ZDHHC4: variants seen among roughly 807,000 people sequenced by gnomAD.
ZDHHC4 encodes the protein zDHHC palmitoyltransferase 4.
In ZDHHC4, 42 loss-of-function variants were observed where a neutral mutation model predicts 36.7. The observed-to-expected ratio is 1.14, with a 90% CI of 0.89 to 1.48. The LOEUF (loss-of-function observed/expected upper bound fraction) is 1.48. ZDHHC4 is among the 40% of genes most tolerant of loss of function. The pLI, the probability that ZDHHC4 is intolerant of heterozygous loss-of-function variation, is 0.00. For synonymous variants in ZDHHC4, 189 were observed against 166.6 expected (o/e 1.13, Z -1.03); for missense variants, 457 against 421.5 (o/e 1.08, Z -0.74).
chr7:6,583,453 C>T (rs554927612), intron 6 of ZDHHC4, 22 bp downstream of exon 6: 1 of 1,594,006 alleles, frequency 6.3e-7, no homozygotes, highest in South Asian at 1.1e-5. Flanking sequence ...TCTCGTGACT[C>T]CAGCGGCACC....
In ZDHHC4 at chr7:6,581,643, G is replaced by C; in HGVS notation, c.154G>C (p.Ala52Pro). 1 of 1,612,014 alleles carries C rather than the reference G, an allele frequency of 6.2e-7. No individual in the cohort carries two copies. Among genetic ancestry groups the C allele is most frequent in the Non-Finnish European group, 8.5e-7 (1 of 1,178,368 alleles). ...TATAATTCCAGAATGTCTTCAGAGA[G>C]CCGTGCATGGATTGCTTCATTACCT... Reference protein sequence around the residue: ...SCIIPECLQRAVHGLLHYLFH... With the variant: ...SCIIPECLQRPVHGLLHYLFH... The change falls in exon 4 of 8, where the codon GCC (alanine) becomes CCC (proline). Residue 52 changes from alanine to proline, a missense_variant. By Grantham distance (27) the Ala-to-Pro change is conservative (BLOSUM62 -1). Transcript: ENST00000335965.
rs575348989 is a variant in ZDHHC4 at position 6,584,630 on chromosome 7, T to C, written c.497-386T>C. 6.6e-5 allele frequency among the ~76,000 whole-genome samples: 10 copies of C among 152,212 alleles called. 1 individual carries two copies. The South Asian group carries it at 2.1e-3, about 32-fold the overall frequency. ...TTGTCAGTATTGACAAAATGTCCTC[T>C]CTGTTTTTTGGTTTGTTTTTTGAGA... On this transcript the variant is annotated intron_variant, in intron 6 of 7. Coordinates refer to ENST00000335965, the MANE Select transcript of ZDHHC4 (RefSeq NM_001134389.2).
chr7:6,582,151 C>T lies in ZDHHC4; in HGVS notation c.270C>T (p.Tyr90=). ...AGTACACCTGGGAAGTATTTGGCTA[C>T]TGTCAGGAGCTGGAGTTGTCCTTGC... ...YTEYTWEVFG[Y]CQELELSLHY... is the part of the protein sequence containing the mutation. Residue 90 remains tyrosine, a synonymous_variant, in exon 5 of 8, where the codon TAC becomes TAT. Transcript: ENST00000335965. 6.2e-7 allele frequency: 1 copy of T among 1,614,222 alleles called. No homozygotes were observed. Among genetic ancestry groups the T allele is most frequent in the Non-Finnish European group, 8.5e-7 (1 of 1,180,046 alleles).
chr7:6,582,181 C>G lies in ZDHHC4; in HGVS notation c.300C>G (p.Tyr100Ter), dbSNP rs1190639204. ...YCQELELSLH[Y>*]LLLPYLLLGV... ...AGGAGCTGGAGTTGTCCTTGCATTACCTTCTTCTGCCCTATCTGCTGCTAG... is the reference window on the plus strand; with the variant it reads ...AGGAGCTGGAGTTGTCCTTGCATTAGCTTCTTCTGCCCTATCTGCTGCTAG... Residue 100 changes from tyrosine (Y) to a stop codon, truncating the protein, a stop_gained, in exon 5 of 8, where the codon TAC becomes TAG. Transcript: ENST00000335965. LOFTEE classifies it high-confidence loss of function. 1 of 1,614,190 alleles carries G rather than the reference C, an allele frequency of 6.2e-7. No homozygotes were observed. Among genetic ancestry groups the G allele is most frequent in the African/African-American group, 1.3e-5 (1 of 75,046 alleles).
intron 5 of ZDHHC4, among the ~76,000 whole-genome samples, chr7:6,582,479 G>A (rs1293575457): frequency 7.9e-5 from 12 of 151,542 alleles, no homozygotes; most frequent in African/African-American, 2.7e-4. Context: ...CTTTCACTTC[G>A]TTTTGTCATA....
rs1781489247 is a variant in ZDHHC4, at chr7:6,589,174, T to A, written c.*264T>A. 1 of 455,400 alleles carries A rather than the reference T, an allele frequency of 2.2e-6. No homozygotes were observed. Among genetic ancestry groups the A allele is most frequent in the East Asian group, 4.2e-5 (1 of 24,024 alleles). The allele number at this position is 455,400 out of a possible 1,614,324, so 28.2% of individuals were successfully genotyped here. ...TCTAGGTGATGCTGAGACCTTGGTG[T>A]CTCTAAACTCTGGGCATGTGGACAG... On this transcript the variant is annotated 3_prime_UTR_variant, in exon 8 of 8. Transcript: ENST00000335965.
chr7:6,585,310 A>T, intron 7 of ZDHHC4, 50 bp downstream of exon 7: 2 of 1,591,728 alleles, frequency 1.3e-6, no homozygotes, highest in Non-Finnish European at 1.7e-6. Flanking sequence ...CGCAAAAAAG[A>T]CATTTATTTT....
At chr7:6,583,676 A>G (rs1027333718) in intron 6 of ZDHHC4, 2 of 415,646 alleles carry the variant, frequency 4.8e-6, no homozygotes, top group Non-Finnish European at 4.2e-6. Context: ...GTGGCAGGAC[A>G]TGCTCCCCAC....
chr7:6,580,545 T>G lies in ZDHHC4; in HGVS notation c.-7-10T>G. On this transcript the variant is annotated splice_polypyrimidine_tract_variant and intron_variant, in intron 2 of 7. Coordinates refer to ENST00000335965, the MANE Select transcript of ZDHHC4 (RefSeq NM_001134389.2). ...TAGCAGATAGTCACACTCTTTCTGT[T>G]CCTTTGTAGCTGCAGGATGGACTTT... is the stretch of plus-strand genomic sequence containing the variant. 6.2e-7 allele frequency: 1 copy of G among 1,609,686 alleles called. No individual in the cohort carries two copies.
intron 2 of ZDHHC4, among the ~76,000 whole-genome samples, chr7:6,580,301 C>T (rs1780751578): frequency 6.6e-6 from 1 of 152,118 alleles, no homozygotes; most frequent in Admixed American, 6.5e-5. Flanking sequence ...GCACCTGGCC[C>T]AGAATTTTTA....
intron 2 of ZDHHC4, among the ~76,000 whole-genome samples, chr7:6,579,933 C>G (rs1010922182): frequency 1.3e-5 from 2 of 151,152 alleles, no homozygotes; most frequent in Non-Finnish European, 2.9e-5. Context: ...TTCAAGAGTT[C>G]GAGACCAGCC....
rs1457827983 is a variant in ZDHHC4 at position 6,585,377 on chromosome 7, A to G, written c.741+117A>G. ...GGTGGCTCACGCCTATAATCCCAGC[A>G]CTTTTGGAGGCCGAGGTGGGAGGAT... On this transcript the variant is annotated intron_variant, in intron 7 of 7. Coordinates refer to ENST00000335965, the MANE Select transcript of ZDHHC4 (RefSeq NM_001134389.2). The G allele has an allele frequency of 2.1e-6, 3 of 1,408,444 alleles. No individual in the cohort carries two copies. The East Asian group carries it at 7.2e-5, about 34-fold the overall frequency. 87.2% of individuals were successfully genotyped at this position (1,408,444 alleles called of 1,614,324 possible).
intron 6 of ZDHHC4, chr7:6,583,779 A>C (rs554781604): frequency 5.6e-6 from 1 of 178,510 alleles, no homozygotes; most frequent in Non-Finnish European, 1.2e-5. Context: ...CGTGCTGTCT[A>C]ACAAAAATAG....
intron 5 of ZDHHC4, among the ~76,000 whole-genome samples, chr7:6,582,627 C>T (rs1780939905): frequency 6.6e-6 from 1 of 152,160 alleles, no homozygotes; most frequent in African/African-American, 2.4e-5. Context: ...AAGGGATTCT[C>T]TTGCCTCAGA....
At chr7:6,585,798 C>A (rs1324922256) in intron 7 of ZDHHC4, among the ~76,000 whole-genome samples, 1 of 151,358 alleles carries the variant, frequency 6.6e-6, no homozygotes. Context: ...AGAGCAAGAC[C>A]CTGTCTCAGA....
chr7:6,580,506 A>C, intron 2 of ZDHHC4, 49 bp from the exon 3 acceptor site: 2 of 1,503,498 alleles, frequency 1.3e-6, no homozygotes, highest in Non-Finnish European at 1.9e-6. Flanking sequence ...TGTGCCATGG[A>C]AGAAACCTTT....
chr7:6,583,665 C>T (rs1781027563), intron 6 of ZDHHC4: 5 of 443,234 alleles, frequency 1.1e-5, no homozygotes, highest in African/African-American at 6.1e-5. Flanking sequence ...TCCCTCGCCA[C>T]GTGGCAGGAC....
At position 6,582,133 on chromosome 7, in the gene ZDHHC4, C is replaced by G; in HGVS notation, c.252C>G (p.Thr84=). 6.2e-7 allele frequency: 1 copy of G among 1,614,176 alleles called. No homozygotes were observed. Among genetic ancestry groups the G allele is most frequent in the Non-Finnish European group, 8.5e-7 (1 of 1,180,026 alleles). Residue 84 remains threonine (T), a synonymous_variant, in exon 5 of 8, where the codon ACC becomes ACG. Coordinates refer to ENST00000335965, the MANE Select transcript of ZDHHC4 (RefSeq NM_001134389.2). Reference sequence around the variant, plus strand: ...AAGGGATGGTTTATACTGAGTACACCTGGGAAGTATTTGGCTACTGTCAGG... The same window carrying G: ...AAGGGATGGTTTATACTGAGTACACGTGGGAAGTATTTGGCTACTGTCAGG... ...VLQGMVYTEY[T]WEVFGYCQEL... is the part of the protein sequence containing the mutation.
At chr7:6,578,109 C>T (rs1406886679) in intron 1 of ZDHHC4, among the ~76,000 whole-genome samples, 1 of 151,738 alleles carries the variant, frequency 6.6e-6, no homozygotes, top group African/African-American at 2.4e-5. Flanking sequence ...GGATTATAGG[C>T]GTGAGCCACC....
Sources: gnomAD v4.1 joint callset for allele counts (sites outside exome capture counted in the v4.1 genomes callset) on GRCh38, gnomAD v4.1.1 for gene constraint, MANE v1.5 for transcripts, NCBI Gene and HGNC (gene_info 2026-07-23, HGNC 2026-07-21) for gene names.